Variants in DDIAS observed in about 807,000 individuals in gnomAD.
The protein encoded by DDIAS is DNA damage induced apoptosis suppressor, also known as DNA damage-induced apoptosis suppressor protein.
Under a neutral mutation model 15.7 loss-of-function variants are expected in DDIAS, and 14 were observed. The observed-to-expected ratio is 0.89, with a 90% CI of 0.59 to 1.39. DDIAS has a LOEUF of 1.39. DDIAS is among the 40% of genes most tolerant of loss of function. The pLI is 0.00. For synonymous variants in DDIAS, 355 were observed against 395.9 expected (o/e 0.90, Z 1.23); for missense variants, 1,035 against 1,130.9 (o/e 0.92, Z 1.22).
chr11:82,904,702 C>G (rs1345692460), intron 1 of DDIAS, among the ~76,000 whole-genome samples: 1 of 152,142 alleles, frequency 6.6e-6, no homozygotes. Flanking sequence ...TTTTATCAAG[C>G]CTTCTGGGTG....
chr11:82,930,393 T>TGTAAAAATAG, intron 5 of DDIAS, 119 bp downstream of exon 5: 1 of 705,166 alleles, frequency 1.4e-6, no homozygotes, highest in African/African-American at 1.8e-5. Flanking sequence ...AGAAACACTT[T>TGTAAAAATAG]AAACTATGTA....
rs747965063 is a variant in DDIAS at position 82,914,705 on chromosome 11, G to A, written c.-16-18G>A. The A allele has an allele frequency of 6.1e-6, 8 of 1,303,320 alleles. No homozygotes were observed. Among genetic ancestry groups the A allele is most frequent in the Non-Finnish European group, 8.8e-6 (8 of 905,252 alleles). The allele number at this position is 1,303,320 out of a possible 1,614,324, so 80.7% of individuals were successfully genotyped here. ...TGAAAGATTTGCCAGTCATCCCAATGGCTATTTTGTTTTGCAGACCACGGT... is the reference window on the plus strand; with the variant it reads ...TGAAAGATTTGCCAGTCATCCCAATAGCTATTTTGTTTTGCAGACCACGGT... On this transcript the variant is annotated intron_variant, in intron 2 of 5. Transcript: ENST00000533655.
chr11:82,915,721 A>G (rs910471059), intron 3 of DDIAS, among the ~76,000 whole-genome samples: 1 of 152,090 alleles, frequency 6.6e-6, no homozygotes, highest in Non-Finnish European at 1.5e-5. Flanking sequence ...TGTTCAACAA[A>G]TGTTGGTTAA....
At chr11:82,928,216 T>TGA (rs1395125051) in intron 3 of DDIAS, among the ~76,000 whole-genome samples, 1 of 110,456 alleles carries the variant, frequency 9.1e-6, no homozygotes, top group Non-Finnish European at 1.8e-5. Context: ...TTTTTTTTTT[T>TGA]GAGACGGAAT....
chr11:82,931,254 T>C (rs974576409), intron 5 of DDIAS, among the ~76,000 whole-genome samples: 1 of 152,232 alleles, frequency 6.6e-6, no homozygotes, highest in Non-Finnish European at 1.5e-5. Flanking sequence ...GTTTATATTC[T>C]CTTACATATG....
At chr11:82,910,007 C>G (rs1565243271) in intron 1 of DDIAS, among the ~76,000 whole-genome samples, 1 of 152,090 alleles carries the variant, frequency 6.6e-6, no homozygotes, top group African/African-American at 2.4e-5. Flanking sequence ...CACCACATTT[C>G]TATGTTTGTC....
intron 3 of DDIAS, among the ~76,000 whole-genome samples, chr11:82,928,101 AT>A (rs1860900478): frequency 6.6e-6 from 1 of 150,412 alleles, no homozygotes; most frequent in South Asian, 2.1e-4. Flanking sequence ...AGTAATTTTC[AT>A]TATGGTGAGA....
At chr11:82,916,965 C>T (rs1860644536) in intron 3 of DDIAS, among the ~76,000 whole-genome samples, 2 of 152,232 alleles carry the variant, frequency 1.3e-5, no homozygotes, top group Admixed American at 6.5e-5. Flanking sequence ...TGACATCTTC[C>T]CCTCTCTTTC....
Position 82,914,871 on chromosome 11 carries a change from G to A in DDIAS, c.113+20G>A, listed in dbSNP as rs754361149. The stretch of plus-strand genomic sequence containing the variant: ...CAAAAGGTAAAAGTAAAGTCTGTAA[G>A]TGTGAGAGAGGAAATACAAATGCAC... On this transcript the variant is annotated intron_variant, in intron 3 of 5. Transcript: ENST00000533655. 82 of 1,471,380 alleles carry A rather than the reference G, an allele frequency of 5.6e-5. No homozygotes were observed. The highest frequency in any genetic ancestry group is 7.7e-5 in the Non-Finnish European group (82 of 1,060,940). The allele number at this position is 1,471,380 out of a possible 1,614,324, so 91.1% of individuals were successfully genotyped here.
intron 2 of DDIAS, 111 bp from the exon 3 acceptor site, chr11:82,914,612 C>A: frequency 1.9e-6 from 1 of 528,040 alleles, no homozygotes; most frequent in Non-Finnish European, 3.3e-6. Flanking sequence ...GAAAGTGAAA[C>A]AAATGACATC....
intron 2 of DDIAS, 94 bp from the exon 3 acceptor site, chr11:82,914,629 C>T (rs1860594395): frequency 3.5e-6 from 2 of 574,702 alleles, no homozygotes; most frequent in Non-Finnish European, 6.1e-6. Flanking sequence ...CATCTATTAG[C>T]TTTGCAGTAG....
Position 82,933,973 on chromosome 11 carries a change from G to T in DDIAS, c.2635G>T (p.Gly879Ter). The T allele has an allele frequency of 6.2e-7, 1 of 1,612,720 alleles. No homozygotes were observed. Among genetic ancestry groups the T allele is most frequent in the Non-Finnish European group, 8.5e-7 (1 of 1,179,688 alleles). ...TQKIFPSDML[G>*]FQGIGLGKCL... ...AAAAATATTTCCTTCAGATATGCTT[G>T]GATTCCAAGGCATAGGTCTAGGGAA... The change falls in exon 6 of 6, where the codon GGA (glycine) becomes TGA (stop). Residue 879 changes from glycine to a stop codon, truncating the protein, a stop_gained. Coordinates refer to ENST00000533655, the MANE Select transcript of DDIAS (RefSeq NM_145018.4). LOFTEE classifies it low-confidence loss of function (END_TRUNC).
At chr11:82,914,555 G>A (rs1215714464) in intron 2 of DDIAS, 168 bp from the exon 3 acceptor site, 1 of 491,060 alleles carries the variant, frequency 2.0e-6, no homozygotes, top group African/African-American at 2.0e-5. Flanking sequence ...AATATTTTAA[G>A]GAGAAAAAGA....
At position 82,934,162 on chromosome 11, in the gene DDIAS, T is replaced by A. The variant is rs1045223634; in HGVS notation, c.2824T>A (p.Ser942Thr). 3.1e-6 allele frequency: 5 copies of A among 1,613,664 alleles called. No individual in the cohort carries two copies. The highest frequency in any genetic ancestry group is 4.2e-6 in the Non-Finnish European group (5 of 1,179,966). The change falls in exon 6 of 6, where the codon TCA becomes ACA. Residue 942 changes from serine (S) to threonine (T), a missense_variant. Transcript: ENST00000533655. ...KKTHKYNCKSSGWISKCPDIQ... is the reference protein window; with the variant it reads ...KKTHKYNCKSTGWISKCPDIQ... The stretch of plus-strand genomic sequence containing the variant: ...AACTCATAAATATAACTGTAAAAGT[T>A]CAGGCTGGATTTCCAAATGTCCAGA...
rs1233927257 is a variant in DDIAS at position 82,932,208 on chromosome 11, T to A, written c.870T>A (p.Asp290Glu). ...CCACTGGTTCCAGTAGCTGCCATGA[T>A]CCCATTCAGGATTCATGGAGCCTTG... ...AEATGSSSCH[D>E]PIQDSWSLVS... The change falls in exon 6 of 6, where the codon GAT (aspartate) becomes GAA (glutamate). Residue 290 changes from aspartate to glutamate, a missense_variant. Physicochemically the swap from Asp to Glu is conservative, Grantham distance 45. Coordinates refer to ENST00000533655, the MANE Select transcript of DDIAS (RefSeq NM_145018.4). The A allele has an allele frequency of 4.3e-6, 7 of 1,613,968 alleles. No individual in the cohort carries two copies. The African/African-American group carries it at 9.3e-5, about 22-fold the overall frequency.
At chr11:82,925,188 A>G (rs892133677) in intron 3 of DDIAS, among the ~76,000 whole-genome samples, 1 of 152,242 alleles carries the variant, frequency 6.6e-6, no homozygotes, top group Non-Finnish European at 1.5e-5. Context: ...ACTATTTTTC[A>G]TAAAAGTATG....
intron 1 of DDIAS, among the ~76,000 whole-genome samples, chr11:82,905,096 T>C (rs898449196): frequency 6.6e-6 from 1 of 152,178 alleles, no homozygotes; most frequent in African/African-American, 2.4e-5. Flanking sequence ...AAATTAGATA[T>C]GTACTATAGT....
Position 82,933,121 on chromosome 11 carries a change from C to T in DDIAS, c.1783C>T (p.Leu595=). ...VSEMNEKLTT[L]CYRKYNDVSD... ...AGAAATGAATGAAAAGTTGACAACT[C>T]TGTGTTATAGGAAGTATAATGATGT... Residue 595 remains leucine, a synonymous_variant, in exon 6 of 6, where the codon CTG becomes TTG. Coordinates refer to ENST00000533655, the MANE Select transcript of DDIAS (RefSeq NM_145018.4). 1 of 1,605,276 alleles carries T rather than the reference C, an allele frequency of 6.2e-7. No homozygotes were observed. Among genetic ancestry groups the T allele is most frequent in the Non-Finnish European group, 8.5e-7 (1 of 1,178,996 alleles).
Position 82,932,350 on chromosome 11 carries a change from A to G in DDIAS, c.1012A>G (p.Asn338Asp), listed in dbSNP as rs377659348. 3.7e-6 allele frequency: 6 copies of G among 1,613,906 alleles called. No individual in the cohort carries two copies. In the African/African-American group the frequency reaches 6.7e-5, roughly 18 times the overall value. The change falls in exon 6 of 6, where the codon AAT becomes GAT. Residue 338 changes from asparagine to aspartate, a missense_variant. Coordinates refer to ENST00000533655, the MANE Select transcript of DDIAS (RefSeq NM_145018.4). ...TCATGAAATTGGAGTTAATGACTCT[A>G]ATTTATTCTCTTTGGAAATGCGAGA... is the stretch of plus-strand genomic sequence containing the variant. ...SHHEIGVNDS[N>D]LFSLEMREPL...
Sources: gnomAD v4.1 joint callset for allele counts (sites outside exome capture counted in the v4.1 genomes callset) on GRCh38, gnomAD v4.1.1 for gene constraint, MANE v1.5 for transcripts, NCBI Gene and HGNC (gene_info 2026-07-23, HGNC 2026-07-21) for gene names.